CELF2: variants seen among roughly 807,000 people sequenced by gnomAD.
CELF2 encodes CUGBP Elav-like family member 2.
CELF2 carries 8 observed loss-of-function variants against 62.6 expected under a neutral mutation model. The observed-to-expected ratio is 0.13, with a 90% confidence interval of 0.07 to 0.23. The LOEUF is 0.23. Ranked by LOEUF, CELF2 falls within the 10% of genes least tolerant of loss-of-function variation. CELF2 has a pLI of 1.00. For missense variants in CELF2, 333 were observed against 671.0 expected, an observed-to-expected ratio of 0.50 and a Z score of 5.56; for synonymous variants, 258 against 250.0, an observed-to-expected ratio of 1.03 and a Z score of -0.30.
intron 1 of CELF2, among the ~76,000 whole-genome samples, chr10:11,162,923 T>G (rs1390739548): frequency 6.6e-6 from 1 of 152,080 alleles, no homozygotes; most frequent in Non-Finnish European, 1.5e-5. Context: ...GAGTAGCACA[T>G]TTAGGAAGAG....
chr10:10,735,601 C>T, the CELF2 span, among the ~76,000 whole-genome samples: 1 of 152,160 alleles, frequency 6.6e-6, no homozygotes. Flanking sequence ...ATATCTATTT[C>T]AATTTATACT....
rs2061876142 is a variant in CELF2, at chr10:11,211,806, G to GA, written c.272-5618dup. Among the ~76,000 whole-genome samples the GA allele has an allele frequency of 8.4e-6, 1 of 119,182 alleles. No individual in the cohort carries two copies. Among genetic ancestry groups the GA allele is most frequent in the East Asian group, 2.2e-4 (1 of 4,614 alleles). The allele number at this position is 119,182 out of a possible 152,430, so 78.2% of individuals were successfully genotyped here. A position where few individuals can be genotyped will look rare whatever the true frequency, so the allele number is the denominator to read the frequency against. ...TGTATGTGTGTGAGAGAGAGAGAGAGAGAGAGAGTGTGTGTGTGTGTGTGT... is the reference window on the plus strand; with the variant it reads ...TGTATGTGTGTGAGAGAGAGAGAGAGAAGAGAGAGTGTGTGTGTGTGTGTGT... On this transcript the variant is annotated intron_variant, in intron 2 of 12. Coordinates refer to ENST00000633077, the MANE Select transcript of CELF2 (RefSeq NM_001326342.2). This position sits in a 1 kb window ranked among gnomAD's most constrained non-coding sequence, Gnocchi z 4.8.
the CELF2 span, among the ~76,000 whole-genome samples, chr10:10,693,779 A>G: frequency 6.6e-6 from 1 of 150,502 alleles, no homozygotes; most frequent in African/African-American, 2.5e-5. Flanking sequence ...TTTCTTCTAG[A>G]TTTTCTGGTT....
chr10:11,165,696 G>C lies in CELF2; in HGVS notation c.271+14G>C. The C allele has an allele frequency of 6.2e-7, 1 of 1,601,924 alleles. No homozygotes were observed. The highest frequency in any genetic ancestry group is 8.5e-7 in the Non-Finnish European group (1 of 1,174,210). ...CGCAGAGTAAAGGTACAGAGCGCGG[G>C]GCGGGGGTCGCCAGGCGTCCAGGTG... On this transcript the variant is annotated intron_variant, in intron 2 of 12. Transcript: ENST00000633077. The surrounding 1 kb of genome is among the most constrained non-coding windows in gnomAD (Gnocchi z 7.4).
At chr10:10,506,759 CTCTACT>C in the CELF2 span, among the ~76,000 whole-genome samples, 38 of 135,224 alleles carry the variant, frequency 2.8e-4, no homozygotes, top group African/African-American at 1.0e-3. Context: ...TCACTGCAAC[CTCTACT>C]TCCTGGATTC....
At chr10:11,325,762 A>G (rs193132861) in intron 11 of CELF2, 74 bp from the exon 12 acceptor site, 1 of 1,355,804 alleles carries the variant, frequency 7.4e-7, no homozygotes, top group African/African-American at 1.5e-5. Flanking sequence ...CTGTTGTTAA[A>G]GTATTCCTAA....
chr10:10,811,830 T>C (rs983006175), intron 1 of CELF2, among the ~76,000 whole-genome samples: 4 of 152,162 alleles, frequency 2.6e-5, no homozygotes, highest in African/African-American at 9.7e-5. Context: ...GTTGAGTCTG[T>C]GGTTTTTATA....
the CELF2 span, among the ~76,000 whole-genome samples, chr10:10,551,134 C>G: frequency 1.3e-5 from 2 of 152,038 alleles, no homozygotes; most frequent in Non-Finnish European, 2.9e-5. Context: ...AAAAACAGCT[C>G]ACACCTTAGT....
intron 1 of CELF2, among the ~76,000 whole-genome samples, chr10:11,071,302 T>A (rs2069888242): frequency 6.6e-6 from 1 of 152,174 alleles, no homozygotes; most frequent in Non-Finnish European, 1.5e-5. Context: ...GCACCAGGCA[T>A]CCAACATGTC....
At chr10:10,913,949 GAAGGAAGGAAAAAGGGA>G (rs931765675) in intron 1 of CELF2, among the ~76,000 whole-genome samples, 3 of 148,702 alleles carry the variant, frequency 2.0e-5, no homozygotes, top group Non-Finnish European at 4.5e-5. Flanking sequence ...AGAGAGGAAG[GAAGGAAGGAAAAAGGGA>G]AAGGAAGGAA....
At chr10:10,786,730 GA>G in the CELF2 span, 1 of 152,182 alleles carries the variant, frequency 6.6e-6, no homozygotes, top group Non-Finnish European at 1.5e-5. Flanking sequence ...CTCACTTGAA[GA>G]GGTGCTACAG....
At chr10:11,198,840 A>G (rs759296224) in intron 2 of CELF2, among the ~76,000 whole-genome samples, 10 of 152,264 alleles carry the variant, frequency 6.6e-5, no homozygotes, top group Non-Finnish European at 1.2e-4. Flanking sequence ...GTGGCAATCT[A>G]TAGACTGTTA....
chr10:11,283,900 A>T (rs7095726), intron 8 of CELF2, among the ~76,000 whole-genome samples: 3 of 85,570 alleles, frequency 3.5e-5, no homozygotes, highest in Admixed American at 1.2e-4. Flanking sequence ...TGGATGATGG[A>T]TGACTGTGTG....
At chr10:10,818,109 G>T (rs543703682) in intron 1 of CELF2, among the ~76,000 whole-genome samples, 1 of 152,046 alleles carries the variant, frequency 6.6e-6, no homozygotes, top group Non-Finnish European at 1.5e-5. Context: ...ATTTCATTGG[G>T]GTCAATAAAA....
chr10:11,161,744 A>G (rs1202039133), intron 1 of CELF2, among the ~76,000 whole-genome samples: 1 of 152,182 alleles, frequency 6.6e-6, no homozygotes, highest in Non-Finnish European at 1.5e-5. Flanking sequence ...GAAGCAAGCT[A>G]GTCTGATTTT....
the CELF2 span, among the ~76,000 whole-genome samples, chr10:10,625,661 G>A: frequency 6.6e-6 from 1 of 152,170 alleles, no homozygotes; most frequent in Non-Finnish European, 1.5e-5. Flanking sequence ...AAGGACCCTT[G>A]TAGGGCCAGC....
At chr10:10,747,594 G>A in the CELF2 span, among the ~76,000 whole-genome samples, 1 of 152,242 alleles carries the variant, frequency 6.6e-6, no homozygotes, top group African/African-American at 2.4e-5. Flanking sequence ...CAGCCTCAGA[G>A]GATGCTCTGA....
intron 1 of CELF2, among the ~76,000 whole-genome samples, chr10:10,818,408 A>G (rs2056671940): frequency 6.6e-6 from 1 of 152,180 alleles, no homozygotes; most frequent in Non-Finnish European, 1.5e-5. Context: ...TTCTGCTTCC[A>G]TTAGAGAAGT....
chr10:11,171,784 A>C (rs1475506724), intron 2 of CELF2, among the ~76,000 whole-genome samples: 1 of 152,198 alleles, frequency 6.6e-6, no homozygotes, highest in Non-Finnish European at 1.5e-5. Flanking sequence ...TAAGGTAACA[A>C]ATGTGTGAGT....
Sources: allele counts gnomAD v4.1 joint callset (sites outside exome capture counted in the v4.1 genomes callset), GRCh38; gene constraint gnomAD v4.1.1; non-coding constraint Gnocchi (gnomAD v3.1); transcripts MANE v1.5; gene names NCBI Gene and HGNC (gene_info 2026-07-23, HGNC 2026-07-21).